Variants in ONECUT3 observed in about 807,000 individuals in gnomAD.
ONECUT3 encodes the protein one cut domain family member 3.
Under a neutral mutation model 16.8 loss-of-function variants are expected in ONECUT3, and 11 were observed. That is an observed-to-expected ratio of 0.66 (90% CI 0.41 to 1.09). ONECUT3 has a LOEUF of 1.09. Ranked by LOEUF, ONECUT3 falls within the 50% of genes least tolerant of loss-of-function variation. The pLI, the probability that ONECUT3 is intolerant of heterozygous loss-of-function variation, is 0.00. For synonymous variants in ONECUT3, 344 were observed against 310.7 expected (o/e 1.11, Z -1.13); for missense variants, 637 against 629.9 (o/e 1.01, Z -0.12).
At chr19:1,769,058 CTGGAGG>C (rs1246689610) in intron 1 of ONECUT3, among the ~76,000 whole-genome samples, 1 of 14,786 alleles carries the variant, frequency 6.8e-5, no homozygotes, top group Non-Finnish European at 1.2e-4. Flanking sequence ...GGTGGAGTTG[CTGGAGG>C]TGGAGGTGGT....
chr19:1,762,400 G>A lies in ONECUT3; in HGVS notation c.1192+7546G>A, dbSNP rs1201302544. ...GCGAGTTGGGGACGCTAGTTGCGGGGCAGCAGGGGTCCACGCATTTCCAAG... is the reference window on the plus strand; with the variant it reads ...GCGAGTTGGGGACGCTAGTTGCGGGACAGCAGGGGTCCACGCATTTCCAAG... On this transcript the variant is annotated intron_variant, in intron 1 of 1. Coordinates refer to ENST00000382349, the MANE Select transcript of ONECUT3 (RefSeq NM_001080488.2). The surrounding 1 kb of genome is among the most constrained non-coding windows in gnomAD (Gnocchi z 4.4). Among the ~76,000 whole-genome samples, 1 of 152,220 alleles carries A rather than the reference G, an allele frequency of 6.6e-6. No homozygotes were observed. The highest frequency in any genetic ancestry group is 6.5e-5 in the Admixed American group (1 of 15,288).
intron 1 of ONECUT3, among the ~76,000 whole-genome samples, chr19:1,761,243 G>T (rs372326280): frequency 6.6e-6 from 1 of 150,644 alleles, no homozygotes; most frequent in East Asian, 1.9e-4. Flanking sequence ...AGTAGAGACC[G>T]GGTTTCACCA....
At chr19:1,765,650 C>T (rs1471273164) in intron 1 of ONECUT3, among the ~76,000 whole-genome samples, 2 of 152,218 alleles carry the variant, frequency 1.3e-5, no homozygotes, top group African/African-American at 4.8e-5. Flanking sequence ...GTCCGTGCTT[C>T]GGCGTTCATT....
rs2068101575 is a variant in ONECUT3 at position 1,775,687 on chromosome 19, C to A, written c.*242C>A. 2 of 392,112 alleles carry A rather than the reference C, an allele frequency of 5.1e-6. No homozygotes were observed. Among genetic ancestry groups the A allele is most frequent in the Non-Finnish European group, 9.1e-6 (2 of 220,936 alleles). The allele number at this position is 392,112 out of a possible 1,614,324, so 24.3% of individuals were successfully genotyped here. ...AGGCCAAAGGAAGCCCTCCACCCCC[C>A]CCCGGAGGGGAGGGAGTGACAGAAA... On this transcript the variant is annotated 3_prime_UTR_variant, in exon 2 of 2. Coordinates refer to ENST00000382349, the MANE Select transcript of ONECUT3 (RefSeq NM_001080488.2).
chr19:1,772,586 A>G (rs1182624928), intron 1 of ONECUT3, among the ~76,000 whole-genome samples: 1 of 152,032 alleles, frequency 6.6e-6, no homozygotes, highest in East Asian at 1.9e-4. Flanking sequence ...ATCAGGTGAC[A>G]ACCCTGCTTC....
chr19:1,760,543 G>A (rs929459723), intron 1 of ONECUT3, among the ~76,000 whole-genome samples: 1 of 152,028 alleles, frequency 6.6e-6, no homozygotes, highest in Non-Finnish European at 1.5e-5. Context: ...TAGGGGTGGT[G>A]AGGCCTGCGC....
chr19:1,779,433 G>A lies in ONECUT3; in HGVS notation c.*3988G>A, dbSNP rs963339536. ...AGCGAGCGCAAGAGAGAGAGAGAGG[G>A]AGAGAGAGGGAGAGGGAGAGAGAGA... On this transcript the variant is annotated 3_prime_UTR_variant, in exon 2 of 2. Transcript: ENST00000382349. The A allele has an allele frequency of 2.0e-5, 3 of 151,982 alleles. No homozygotes were observed. The highest frequency in any genetic ancestry group is 2.0e-4 in the Admixed American group (3 of 15,266). 9.4% of individuals were successfully genotyped at this position (151,982 alleles called of 1,614,324 possible). A position where few individuals can be genotyped will look rare whatever the true frequency, so the allele number is the denominator to read the frequency against.
chr19:1,769,704 C>T (rs560613059), intron 1 of ONECUT3, among the ~76,000 whole-genome samples: 4 of 151,800 alleles, frequency 2.6e-5, no homozygotes, highest in Non-Finnish European at 5.9e-5. Flanking sequence ...CCTCTGTCAG[C>T]GGCTGTGGGG....
At chr19:1,756,207 C>T (rs1190383105) in intron 1 of ONECUT3, among the ~76,000 whole-genome samples, 1 of 152,178 alleles carries the variant, frequency 6.6e-6, no homozygotes, top group Non-Finnish European at 1.5e-5. Context: ...CAGACAACCC[C>T]CTGGGAGCCT....
chr19:1,769,072 GGTGGAA>G (rs1362203563), intron 1 of ONECUT3, among the ~76,000 whole-genome samples: 2 of 136,836 alleles, frequency 1.5e-5, no homozygotes, highest in African/African-American at 2.9e-5. Flanking sequence ...AGGTGGAGGT[GGTGGAA>G]GTGGAGGTGG....
Position 1,772,524 on chromosome 19 carries a change from A to AT in ONECUT3, c.1193-2621dup, listed in dbSNP as rs540296953. Among the ~76,000 whole-genome samples the AT allele has an allele frequency of 3.7e-3, 560 of 151,382 alleles. 3 individuals carry two copies. The highest frequency in any genetic ancestry group is 5.5e-3 in the South Asian group (26 of 4,760). Reference sequence around the variant, plus strand: ...CTGGAAACTCATCTTTCAACGCTAGATTTTTTTTCATTATTTGATCATCTC... The same window carrying AT: ...CTGGAAACTCATCTTTCAACGCTAGATTTTTTTTTCATTATTTGATCATCTC... On this transcript the variant is annotated intron_variant, in intron 1 of 1. Transcript: ENST00000382349.
intron 1 of ONECUT3, among the ~76,000 whole-genome samples, chr19:1,756,466 G>T (rs1359584936): frequency 6.6e-6 from 1 of 152,162 alleles, no homozygotes; most frequent in Non-Finnish European, 1.5e-5. Context: ...GGTCATATCC[G>T]CACACAGCCA....
At position 1,778,983 on chromosome 19, in the gene ONECUT3, C is replaced by T. The variant is rs992070912; in HGVS notation, c.*3538C>T. 6.6e-6 allele frequency: 1 copy of T among 152,310 alleles called. No individual in the cohort carries two copies. Among genetic ancestry groups the T allele is most frequent in the Non-Finnish European group, 1.5e-5 (1 of 68,226 alleles). 9.4% of individuals were successfully genotyped at this position (152,310 alleles called of 1,614,324 possible). On this transcript the variant is annotated 3_prime_UTR_variant, in exon 2 of 2. Transcript: ENST00000382349. ...ACAGAAGGCTCTATCCCCGACCTGC[C>T]CGCCGGCCCCTCAGGCCCTCTCCTG...
intron 1 of ONECUT3, among the ~76,000 whole-genome samples, chr19:1,773,271 CCT>C (rs145467751): frequency 6.6e-6 from 1 of 151,130 alleles, no homozygotes; most frequent in Non-Finnish European, 1.5e-5. Context: ...TGCCTCCCTC[CCT>C]CTCTCTCTCT....
chr19:1,753,835 G>A lies in ONECUT3; in HGVS notation c.173G>A (p.Gly58Asp). The change falls in exon 1 of 2, where the codon GGC (glycine) becomes GAC (aspartate). Residue 58 changes from glycine to aspartate, a missense_variant. This residue lies in a region of ONECUT3 where 419 missense variants were observed against 377.9 expected (regional missense o/e 1.11). Transcript: ENST00000382349. ...AGMASLLDGG[G>D]GGGGGGAGGA... is the part of the protein sequence containing the mutation. ...ATGGCGAGCCTGCTGGACGGCGGCG[G>A]CGGCGGCGGCGGTGGGGGCGCCGGG... 10 of 969,332 alleles carry A rather than the reference G, an allele frequency of 1.0e-5. No homozygotes were observed. Among genetic ancestry groups the A allele is most frequent in the Non-Finnish European group, 1.1e-5 (9 of 818,406 alleles). The allele number at this position is 969,332 out of a possible 1,614,324, so 60.0% of individuals were successfully genotyped here.
rs1568606224 is a variant in ONECUT3 at position 1,778,910 on chromosome 19, A to ACACACACACC, written c.*3468_*3469insACACACCCAC. 1 of 127,286 alleles carries ACACACACACC rather than the reference A, an allele frequency of 7.9e-6. No individual in the cohort carries two copies. Among genetic ancestry groups the ACACACACACC allele is most frequent in the African/African-American group, 3.1e-5 (1 of 32,600 alleles). 7.9% of individuals were successfully genotyped at this position (127,286 alleles called of 1,614,324 possible). ...CACACACACACACACACACACACAC[A>ACACACACACC]CACCCCTACCTGTTTCCGGACCCCA... On this transcript the variant is annotated 3_prime_UTR_variant, in exon 2 of 2. Coordinates refer to ENST00000382349, the MANE Select transcript of ONECUT3 (RefSeq NM_001080488.2).
At chr19:1,775,097 C>G (rs2068092635) in intron 1 of ONECUT3, 56 bp from the exon 2 acceptor site, 1 of 1,226,886 alleles carries the variant, frequency 8.2e-7, no homozygotes, top group Admixed American at 3.0e-5. Flanking sequence ...TCTCCCCGGC[C>G]GGCCACACGG....
At chr19:1,756,790 C>T (rs1258100717) in intron 1 of ONECUT3, among the ~76,000 whole-genome samples, 2 of 149,116 alleles carry the variant, frequency 1.3e-5, no homozygotes, top group African/African-American at 5.0e-5. Flanking sequence ...TCAGGTGATC[C>T]GCCCGCTTCT....
At position 1,766,933 on chromosome 19, in the gene ONECUT3, C is replaced by G. The variant is rs930969081; in HGVS notation, c.1193-8220C>G. Among the ~76,000 whole-genome samples the G allele has an allele frequency of 6.6e-6, 1 of 151,960 alleles. No homozygotes were observed. The highest frequency in any genetic ancestry group is 1.5e-5 in the Non-Finnish European group (1 of 67,990). On this transcript the variant is annotated intron_variant, in intron 1 of 1. Transcript: ENST00000382349. The surrounding 1 kb of genome is among the most constrained non-coding windows in gnomAD (Gnocchi z 4.0). The stretch of plus-strand genomic sequence containing the variant: ...GGCCACAGAAAGATCTCAGGCCCCA[C>G]GAGGCTAAAAGGAGGAACAGTGGCC...
Sources: gnomAD v4.1 joint callset for allele counts (sites outside exome capture counted in the v4.1 genomes callset) on GRCh38, gnomAD v4.1.1 for gene constraint, gnomAD v4.1.1 regional missense constraint, Gnocchi (gnomAD v3.1) non-coding constraint, MANE v1.5 for transcripts, NCBI Gene and HGNC (gene_info 2026-07-23, HGNC 2026-07-21) for gene names.